Variants in MDGA2 observed in about 807,000 individuals in gnomAD.
The protein encoded by MDGA2 is MAM domain containing glycosylphosphatidylinositol anchor 2.
MDGA2 carries 40 observed loss-of-function variants against 117.8 expected under a neutral mutation model. That is an observed-to-expected ratio of 0.34 (90% CI 0.26 to 0.44). The LOEUF is 0.44. Among genes scored for constraint, MDGA2 ranks in the 20% least tolerant of loss-of-function variants. The pLI is 1.00. For synonymous variants in MDGA2, 452 were observed against 439.0 expected (o/e 1.03, Z -0.37); for missense variants, 1,123 against 1,250.6 (o/e 0.90, Z 1.54).
At position 47,012,919 on chromosome 14, in the gene MDGA2, G is replaced by A. The variant is rs552230441; in HGVS notation, c.1819+22092C>T. 1.0e-3 allele frequency among the ~76,000 whole-genome samples: 157 copies of A among 152,150 alleles called. 1 individual carries two copies. The highest frequency in any genetic ancestry group is 3.6e-3 in the African/African-American group (150 of 41,516). ...CATTGAGTCTAAAAAAACAATGTAC[G>A]TGCCTTAATTTAAAAATACCCTAAG... On this transcript the variant is annotated intron_variant, in intron 8 of 16. Transcript: ENST00000399232.
At chr14:47,150,923 CAA>C (rs34212740) in intron 3 of MDGA2, among the ~76,000 whole-genome samples, 13,324 of 82,206 alleles carry the variant, frequency 0.16, 670 homozygotes, top group African/African-American at 0.25. Flanking sequence ...GACTCTGTCT[CAA>C]AAAAAAAAAA....
At chr14:47,553,501 C>A (rs1371166658) in intron 1 of MDGA2, among the ~76,000 whole-genome samples, 1 of 151,968 alleles carries the variant, frequency 6.6e-6, no homozygotes, top group East Asian at 1.9e-4. Context: ...GTTTAAATAG[C>A]TAATTTTTTC....
intron 1 of MDGA2, among the ~76,000 whole-genome samples, chr14:47,451,203 C>T (rs1430312529): frequency 6.6e-6 from 1 of 152,056 alleles, no homozygotes; most frequent in Admixed American, 6.6e-5. Flanking sequence ...AGGTCATTCT[C>T]TCCTACTCAG....
intron 8 of MDGA2, among the ~76,000 whole-genome samples, chr14:46,964,918 A>AATTTTTTTT (rs1566549134): frequency 1.0e-5 from 1 of 95,372 alleles, no homozygotes; most frequent in Non-Finnish European, 1.9e-5. Context: ...ATATATATTT[A>AATTTTTTTT]CTTTTTTTTT....
intron 6 of MDGA2, among the ~76,000 whole-genome samples, chr14:47,069,781 A>G (rs191311779): frequency 9.5e-4 from 145 of 152,364 alleles, no homozygotes; most frequent in Non-Finnish European, 1.7e-3. Context: ...TAAAAGAAAA[A>G]TGTGTTAAAA....
chr14:47,590,668 T>A (rs1233480319), intron 1 of MDGA2, among the ~76,000 whole-genome samples: 3 of 152,032 alleles, frequency 2.0e-5, no homozygotes, highest in Admixed American at 6.6e-5. Flanking sequence ...ATAATTGGAT[T>A]GTTTGTAACA....
intron 9 of MDGA2, among the ~76,000 whole-genome samples, chr14:46,941,134 T>C (rs1300038250): frequency 6.6e-6 from 1 of 152,184 alleles, no homozygotes. Context: ...ATCACTGGAC[T>C]GGATCTGACT....
At chr14:46,992,312 T>A (rs988847754) in intron 8 of MDGA2, among the ~76,000 whole-genome samples, 1 of 152,192 alleles carries the variant, frequency 6.6e-6, no homozygotes, top group Admixed American at 6.6e-5. Context: ...TCTATATTTT[T>A]ATTCAAAAGC....
At position 46,920,147 on chromosome 14, in the gene MDGA2, A is replaced by G. The variant is rs1236680276; in HGVS notation, c.2103T>C (p.Ala701=). 2 of 1,607,144 alleles carry G rather than the reference A, an allele frequency of 1.2e-6. No homozygotes were observed. The highest frequency in any genetic ancestry group is 2.2e-5 in the East Asian group (1 of 44,686). ...TGTAGGTATCATAATAGAATTCTGG[A>G]GCATAGGCCTTTCCTGAAAACAGAA... is the stretch of plus-strand genomic sequence containing the variant. ...CSFLVTGKAY[A]PEFYYDTYNP... The change falls in exon 10 of 17, where the codon GCT becomes GCC. Residue 701 remains alanine (A), a synonymous_variant. Transcript: ENST00000399232.
At chr14:47,076,718 C>T (rs1383396944) in intron 6 of MDGA2, among the ~76,000 whole-genome samples, 5 of 152,048 alleles carry the variant, frequency 3.3e-5, no homozygotes, top group Admixed American at 2.0e-4. Flanking sequence ...TGGAAGTCCA[C>T]ATGAAACTTG....
At chr14:47,008,415 G>A (rs1044214935) in intron 8 of MDGA2, among the ~76,000 whole-genome samples, 1 of 151,878 alleles carries the variant, frequency 6.6e-6, no homozygotes, top group African/African-American at 2.4e-5. Context: ...AAGGCAGTAA[G>A]TCTTTGAAAC....
intron 3 of MDGA2, among the ~76,000 whole-genome samples, chr14:47,157,459 AAG>A (rs1396286709): frequency 2.0e-5 from 3 of 152,190 alleles, no homozygotes; most frequent in African/African-American, 7.2e-5. Context: ...ATTCTAGAGA[AAG>A]AGTTTTTGAA....
chr14:47,604,911 C>G (rs1413756479), intron 1 of MDGA2, among the ~76,000 whole-genome samples: 1 of 152,144 alleles, frequency 6.6e-6, no homozygotes, highest in Non-Finnish European at 1.5e-5. Context: ...CCTACCTGCA[C>G]AGGACTGCTC....
Position 47,500,729 on chromosome 14 carries a change from C to T in MDGA2, c.280+173788G>A, listed in dbSNP as rs149925278. Among the ~76,000 whole-genome samples, 338 of 152,100 alleles carry T rather than the reference C, an allele frequency of 2.2e-3. 1 individual carries two copies. Among genetic ancestry groups the T allele is most frequent in the Admixed American group, 5.1e-3 (78 of 15,268 alleles). On this transcript the variant is annotated intron_variant, in intron 1 of 16. Transcript: ENST00000399232. The stretch of plus-strand genomic sequence containing the variant: ...TCAGACATTTTAAAATCCATATATT[C>T]ACAAGGAGACTAACGAAAGTTAATA...
chr14:46,915,020 A>AT (rs1883846920), intron 10 of MDGA2, among the ~76,000 whole-genome samples: 1 of 152,190 alleles, frequency 6.6e-6, no homozygotes, highest in African/African-American at 2.4e-5. Flanking sequence ...AAAAATGTAT[A>AT]TTGCTTAGGC....
intron 1 of MDGA2, among the ~76,000 whole-genome samples, chr14:47,567,782 G>A (rs1895947305): frequency 6.6e-6 from 1 of 152,098 alleles, no homozygotes; most frequent in Non-Finnish European, 1.5e-5. Context: ...TATAGTTTTT[G>A]TTTATTTTGA....
intron 3 of MDGA2, among the ~76,000 whole-genome samples, chr14:47,174,908 T>C (rs1884364867): frequency 6.6e-6 from 1 of 151,840 alleles, no homozygotes; most frequent in Admixed American, 6.5e-5. Flanking sequence ...CTTGCAAGAC[T>C]AATAAAGAAA....
chr14:47,461,654 A>G (rs1457360360), intron 1 of MDGA2, among the ~76,000 whole-genome samples: 6 of 152,150 alleles, frequency 3.9e-5, no homozygotes, highest in Non-Finnish European at 5.9e-5. Context: ...AGAGTGAACC[A>G]TAAGTAGGCA....
rs575248263 is a variant in MDGA2 at position 47,102,974 on chromosome 14, G to A, written c.926-5851C>T. ...CAACGAGTGGCTACATGGAGACAAT[G>A]TGTAAAGAGTAAAGAAAGAACAAGG... On this transcript the variant is annotated intron_variant, in intron 5 of 16. Coordinates refer to ENST00000399232, the MANE Select transcript of MDGA2 (RefSeq NM_001113498.3). Among the ~76,000 whole-genome samples, 15 of 152,298 alleles carry A rather than the reference G, an allele frequency of 9.8e-5. 1 individual carries two copies. The highest frequency in any genetic ancestry group is 3.6e-4 in the African/African-American group (15 of 41,564).
Sources: gnomAD v4.1 joint callset for allele counts (sites outside exome capture counted in the v4.1 genomes callset) on GRCh38, gnomAD v4.1.1 for gene constraint, MANE v1.5 for transcripts, NCBI Gene and HGNC (gene_info 2026-07-23, HGNC 2026-07-21) for gene names.